TJAP1: variants seen among roughly 807,000 people sequenced by gnomAD.
The protein encoded by TJAP1 is tight junction associated protein 1, also known as tight junction-associated protein 1.
A neutral mutation model predicts 42.0 loss-of-function variants in TJAP1; 27 were observed. The observed-to-expected ratio is 0.64, with a 90% CI of 0.47 to 0.89. The LOEUF (loss-of-function observed/expected upper bound fraction) is 0.89. TJAP1 is among the 40% of genes least tolerant of loss of function. The pLI is 0.00. For synonymous variants in TJAP1, 257 were observed against 288.4 expected, an observed-to-expected ratio of 0.89 and a Z score of 1.10; for missense variants, 712 against 726.9, an observed-to-expected ratio of 0.98 and a Z score of 0.24.
chr6:43,500,110 C>G (rs1253595539), intron 4 of TJAP1, among the ~76,000 whole-genome samples: 1 of 152,198 alleles, frequency 6.6e-6, no homozygotes, highest in Non-Finnish European at 1.5e-5. Flanking sequence ...ATGTTTCCCT[C>G]TCGCGATAGC....
At chr6:43,489,833 G>A (rs951388749) in intron 2 of TJAP1, 2 of 152,242 alleles carry the variant, frequency 1.3e-5, no homozygotes, top group African/African-American at 4.8e-5. Flanking sequence ...CATCAGGAGA[G>A]TGCAGTGTGC....
At chr6:43,497,684 A>G (rs1240684552) in intron 2 of TJAP1, 197 bp from the exon 3 acceptor site, 1 of 152,272 alleles carries the variant, frequency 6.6e-6, no homozygotes, top group Non-Finnish European at 1.5e-5. Flanking sequence ...CAGTACTGTC[A>G]TGGAGAAAGG....
At position 43,502,291 on chromosome 6, in the gene TJAP1, AC is replaced by A; in HGVS notation, c.300del (p.Asn100LysfsTer48). The A allele has an allele frequency of 6.2e-7, 1 of 1,613,914 alleles. No homozygotes were observed. The highest frequency in any genetic ancestry group is 8.5e-7 in the Non-Finnish European group (1 of 1,179,956). ...GTATTATCCCTTTTCAGGCTGCAGAACAGCTACACGGCTTCCCAGCGGACCA... is the reference window on the plus strand; with the variant it reads ...GTATTATCCCTTTTCAGGCTGCAGAAAGCTACACGGCTTCCCAGCGGACCA... On this transcript the variant is annotated frameshift_variant, in exon 7 of 11. Coordinates refer to ENST00000372449, the Ensembl canonical transcript of TJAP1. LOFTEE classifies it high-confidence loss of function.
At chr6:43,497,635 A>G (rs548314981) in intron 2 of TJAP1, 2 of 152,410 alleles carry the variant, frequency 1.3e-5, no homozygotes, top group South Asian at 4.1e-4. Flanking sequence ...TGCTGAGACC[A>G]TGAACACACA....
chr6:43,492,823 T>A lies in TJAP1; in HGVS notation c.-121-5058T>A, dbSNP rs1788104983. On this transcript the variant is annotated intron_variant, in intron 2 of 10. Transcript: ENST00000372449. The surrounding 1 kb of genome is among the most constrained non-coding windows in gnomAD (Gnocchi z 4.2). ...GGGGCAGAGACTGGATTTCAGAGGCTTGAGAAGCGGCCAGACTTGTGTGGC... is the reference window on the plus strand; with the variant it reads ...GGGGCAGAGACTGGATTTCAGAGGCATGAGAAGCGGCCAGACTTGTGTGGC... Among the ~76,000 whole-genome samples the A allele has an allele frequency of 6.6e-6, 1 of 152,146 alleles. No individual in the cohort carries two copies. Among genetic ancestry groups the A allele is most frequent in the Non-Finnish European group, 1.5e-5 (1 of 68,022 alleles).
intron 2 of TJAP1, among the ~76,000 whole-genome samples, chr6:43,494,667 T>G (rs1263633167): frequency 6.7e-6 from 1 of 150,302 alleles, no homozygotes; most frequent in Non-Finnish European, 1.5e-5. Context: ...TTTTTTTTTT[T>G]TTGAGACGGA....
At chr6:43,498,858 A>T in intron 3 of TJAP1, 120 bp from the exon 4 acceptor site, 3 of 1,071,428 alleles carry the variant, frequency 2.8e-6, no homozygotes, top group Non-Finnish European at 4.0e-6. Context: ...GTAATGGCCC[A>T]GGCCTGTCAG....
At chr6:43,496,737 C>G (rs1789259174) in intron 2 of TJAP1, among the ~76,000 whole-genome samples, 1 of 152,242 alleles carries the variant, frequency 6.6e-6, no homozygotes, top group Admixed American at 6.5e-5. Flanking sequence ...CAAGGCTTCC[C>G]TCAACCTCCA....
At chr6:43,480,162 G>C (rs571888709) in intron 2 of TJAP1, among the ~76,000 whole-genome samples, 27 of 152,300 alleles carry the variant, frequency 1.8e-4, no homozygotes, top group Middle Eastern at 6.8e-3. Flanking sequence ...CTTACTCAGT[G>C]CCTGACAGTA....
At position 43,502,627 on chromosome 6, in the gene TJAP1, G is replaced by A. The variant is rs1263057167; in HGVS notation, c.387+10G>A. On this transcript the variant is annotated intron_variant, in intron 8 of 10. Coordinates refer to ENST00000372449, the Ensembl canonical transcript of TJAP1. ...CAGCTGGATTTTTGCAGTTGCGTCTGAGTTTGTGTGTCTTCTCCCTTGCCC... is the reference window on the plus strand; with the variant it reads ...CAGCTGGATTTTTGCAGTTGCGTCTAAGTTTGTGTGTCTTCTCCCTTGCCC... 6.4e-7 allele frequency: 1 copy of A among 1,551,766 alleles called. No individual in the cohort carries two copies. The highest frequency in any genetic ancestry group is 2.0e-5 in the Admixed American group (1 of 51,012).
intron 2 of TJAP1, among the ~76,000 whole-genome samples, chr6:43,478,491 G>A (rs529233572): frequency 6.6e-6 from 1 of 152,334 alleles, no homozygotes; most frequent in East Asian, 1.9e-4. Flanking sequence ...GCCGAAGGAT[G>A]TTAACACATC....
In TJAP1 at chr6:43,484,937, A is replaced by T. The variant is rs188161742; in HGVS notation, c.-122+6705A>T. On this transcript the variant is annotated intron_variant, in intron 2 of 10. Transcript: ENST00000372449. ...GAGGCGGGGTTTTACCAAGTTGGCCAGGCTGGTCTTGAACTCCTGGCCTCA... is the reference window on the plus strand; with the variant it reads ...GAGGCGGGGTTTTACCAAGTTGGCCTGGCTGGTCTTGAACTCCTGGCCTCA... Among the ~76,000 whole-genome samples, 314 of 152,312 alleles carry T rather than the reference A, an allele frequency of 2.1e-3. 2 individuals carry two copies. The highest frequency in any genetic ancestry group is 6.8e-3 in the African/African-American group (283 of 41,574).
chr6:43,501,563 C>T (rs759216445), exon 6 of TJAP1: 1 of 1,614,004 alleles, frequency 6.2e-7, no homozygotes, highest in Non-Finnish European at 8.5e-7. Context: ...TCGCCGGCGC[C>T]TGGCCTCCGC....
chr6:43,477,821 C>T (rs890252027), intron 1 of TJAP1, among the ~76,000 whole-genome samples, 193 bp downstream of exon 1: 1 of 151,416 alleles, frequency 6.6e-6, no homozygotes, highest in Non-Finnish European at 1.5e-5. Flanking sequence ...CCAGTGGCAG[C>T]CCTAGGGGAG....
chr6:43,502,076 A>ACACACACTCTCTCTCTCT lies in TJAP1; in HGVS notation c.291-206_291-205insACACACTCTCTCTCTCTC, dbSNP rs767085594. On this transcript the variant is annotated intron_variant, in intron 6 of 10. Coordinates refer to ENST00000372449, the Ensembl canonical transcript of TJAP1. ...CACACACACACACACACACACACAC[A>ACACACACTCTCTCTCTCT]CTCTCTCTCTCTCTCTCTCTCTCTC... Among the ~76,000 whole-genome samples, 22 of 68,956 alleles carry ACACACACTCTCTCTCTCT rather than the reference A, an allele frequency of 3.2e-4. 1 individual carries two copies. The highest frequency in any genetic ancestry group is 1.2e-3 in the African/African-American group (16 of 13,116). The allele number at this position is 68,956 out of a possible 152,430, so 45.2% of individuals were successfully genotyped here.
intron 5 of TJAP1, 27 bp downstream of exon 5, chr6:43,500,799 C>G (rs1218839871): frequency 1.2e-6 from 2 of 1,612,910 alleles, no homozygotes; most frequent in East Asian, 2.2e-5. Flanking sequence ...TGAGATACTG[C>G]CCTGCCTCAA....
Position 43,505,150 on chromosome 6 carries a change from C to T in TJAP1, c.969C>T (p.His323=). The T allele has an allele frequency of 6.2e-7, 1 of 1,614,226 alleles. No individual in the cohort carries two copies. The highest frequency in any genetic ancestry group is 8.5e-7 in the Non-Finnish European group (1 of 1,180,036). The change falls in exon 11 of 11, where the codon CAC becomes CAT. Residue 323 remains histidine, a synonymous_variant. Transcript: ENST00000372449. The surrounding 1 kb of genome is among the most constrained non-coding windows in gnomAD (Gnocchi z 5.5). ...CCTACCCAACCCCGTCTCCACCACA[C>T]CCACTGTATCCTGGCCGCAGGGTAA...
Position 43,505,735 on chromosome 6 carries a change from G to A in TJAP1, c.1554G>A (p.Arg518=). Residue 518 remains arginine (R), a synonymous_variant, in exon 11 of 11, where the codon AGG becomes AGA. Coordinates refer to ENST00000372449, the Ensembl canonical transcript of TJAP1. The surrounding 1 kb of genome is among the most constrained non-coding windows in gnomAD (Gnocchi z 5.5). ...CAGGCACTTCCCACACCGAGGGCAGGGCCTGGCCACTCCCCAGCTCCAGTC... is the reference window on the plus strand; with the variant it reads ...CAGGCACTTCCCACACCGAGGGCAGAGCCTGGCCACTCCCCAGCTCCAGTC... The A allele has an allele frequency of 1.3e-6, 2 of 1,542,180 alleles. No homozygotes were observed. The highest frequency in any genetic ancestry group is 2.5e-5 in the South Asian group (2 of 79,710).
chr6:43,502,110 T>TCC (rs1308675692), intron 6 of TJAP1, among the ~76,000 whole-genome samples, 173 bp from the exon 7 acceptor site: 3 of 149,244 alleles, frequency 2.0e-5, no homozygotes, highest in Non-Finnish European at 3.0e-5. Context: ...TCTCTCTCTC[T>TCC]CCTTTCATAG....
Sources: allele counts gnomAD v4.1 joint callset (sites outside exome capture counted in the v4.1 genomes callset), GRCh38; gene constraint gnomAD v4.1.1; non-coding constraint Gnocchi (gnomAD v3.1); transcripts MANE v1.5; gene names NCBI Gene and HGNC (gene_info 2026-07-23, HGNC 2026-07-21).